The following OXR1 variants were observed in gnomAD, a reference collection of about 807,000 sequenced individuals.
OXR1 encodes oxidation resistance protein 1.
In OXR1, 41 loss-of-function variants were observed where a neutral mutation model predicts 104.6. The ratio of observed to expected loss-of-function variants is 0.39; its 90% CI spans 0.31 to 0.51. OXR1 has a LOEUF of 0.51. Ranked by LOEUF, OXR1 falls within the 20% of genes least tolerant of loss-of-function variation. The pLI is 0.77. For missense variants in OXR1, 955 were observed against 1,031.9 expected, an observed-to-expected ratio of 0.93 and a Z score of 1.02; for synonymous variants, 348 against 348.4, an observed-to-expected ratio of 1.00 and a Z score of 0.01.
At chr8:106,535,278 C>T (rs1215275480) in intron 3 of OXR1, among the ~76,000 whole-genome samples, 1 of 152,078 alleles carries the variant, frequency 6.6e-6, no homozygotes, top group Non-Finnish European at 1.5e-5. Context: ...GTCTCCAAGG[C>T]GATGCAATGA....
At chr8:106,349,186 A>G (rs1815620902) in intron 1 of OXR1, among the ~76,000 whole-genome samples, 5 of 152,144 alleles carry the variant, frequency 3.3e-5, no homozygotes, top group Admixed American at 3.3e-4. Context: ...TTTTTTGATT[A>G]TTAGGTTTTT....
intron 9 of OXR1, among the ~76,000 whole-genome samples, chr8:106,709,551 A>G (rs1311367114): frequency 6.6e-6 from 1 of 150,554 alleles, no homozygotes; most frequent in East Asian, 2.0e-4. Context: ...AGATAAAATA[A>G]TCTGTTTAAG....
intron 2 of OXR1, chr8:106,447,976 C>A: frequency 6.5e-7 from 1 of 1,534,872 alleles, no homozygotes; most frequent in Non-Finnish European, 8.7e-7. Flanking sequence ...ATCAGATCCG[C>A]CCCGGCTCCC....
At chr8:106,562,900 C>G (rs1350285245) in intron 3 of OXR1, among the ~76,000 whole-genome samples, 1 of 152,124 alleles carries the variant, frequency 6.6e-6, no homozygotes. Flanking sequence ...AAATAAAATC[C>G]TTTACAGACA....
chr8:106,511,560 C>T (rs1329138540), intron 2 of OXR1, among the ~76,000 whole-genome samples: 1 of 151,784 alleles, frequency 6.6e-6, no homozygotes, highest in South Asian at 2.1e-4. Context: ...CTCTCATACA[C>T]ACACACACAC....
At chr8:106,355,728 A>T (rs932884226) in intron 1 of OXR1, among the ~76,000 whole-genome samples, 2 of 151,866 alleles carry the variant, frequency 1.3e-5, no homozygotes, top group African/African-American at 4.8e-5. Context: ...TTTTGGTGTC[A>T]TCAGAAAAAA....
intron 2 of OXR1, among the ~76,000 whole-genome samples, chr8:106,423,804 C>A (rs1414814893): frequency 6.6e-6 from 1 of 152,198 alleles, no homozygotes; most frequent in Non-Finnish European, 1.5e-5. Flanking sequence ...CCTTCAGGAG[C>A]CTCTGCTGAG....
chr8:106,521,632 C>T (rs1237859936), intron 3 of OXR1, among the ~76,000 whole-genome samples: 1 of 152,164 alleles, frequency 6.6e-6, no homozygotes, highest in Non-Finnish European at 1.5e-5. Flanking sequence ...CCTGCCTCAG[C>T]CTCCCGAGTA....
chr8:106,532,802 A>G (rs1311563473), intron 3 of OXR1, among the ~76,000 whole-genome samples: 1 of 152,192 alleles, frequency 6.6e-6, no homozygotes, highest in African/African-American at 2.4e-5. Flanking sequence ...AAATATCTCT[A>G]TGGGCCAGAA....
chr8:106,512,309 T>C (rs768383685), intron 2 of OXR1, among the ~76,000 whole-genome samples: 2 of 152,284 alleles, frequency 1.3e-5, no homozygotes, highest in Non-Finnish European at 2.9e-5. Flanking sequence ...GTGGGATATA[T>C]GGAAATGTGA....
At chr8:106,606,851 T>C (rs868682483) in intron 3 of OXR1, among the ~76,000 whole-genome samples, 1 of 152,072 alleles carries the variant, frequency 6.6e-6, no homozygotes, top group Non-Finnish European at 1.5e-5. Context: ...CTTGTTGGAG[T>C]ACCTGCTACT....
intron 1 of OXR1, among the ~76,000 whole-genome samples, chr8:106,335,082 C>A (rs891986791): frequency 6.6e-6 from 1 of 151,860 alleles, no homozygotes; most frequent in African/African-American, 2.4e-5. Flanking sequence ...CCATCCTTGT[C>A]CTAATCACTT....
At chr8:106,683,157 C>A in intron 4 of OXR1, 42 bp from the exon 5 acceptor site, 2 of 976,582 alleles carry the variant, frequency 2.0e-6, no homozygotes, top group Non-Finnish European at 3.2e-6. Flanking sequence ...TTTAGTTTTT[C>A]TGTTTTAAAC....
intron 6 of OXR1, among the ~76,000 whole-genome samples, chr8:106,692,394 C>T (rs1047254117): frequency 2.0e-5 from 3 of 151,810 alleles, no homozygotes; most frequent in East Asian, 1.9e-4. Context: ...TGTGTGTGCA[C>T]GTGTGTGTAT....
chr8:106,368,557 C>A (rs2130367559), intron 2 of OXR1, among the ~76,000 whole-genome samples: 1 of 152,104 alleles, frequency 6.6e-6, no homozygotes, highest in African/African-American at 2.4e-5. Flanking sequence ...CCTCAACCCC[C>A]ACCCCCCAAC....
At chr8:106,448,087 C>G in intron 2 of OXR1, 1 of 1,533,966 alleles carries the variant, frequency 6.5e-7, no homozygotes, top group Non-Finnish European at 8.7e-7. Flanking sequence ...TTGTTACTTC[C>G]TGTGTTATGA....
intron 11 of OXR1, among the ~76,000 whole-genome samples, chr8:106,728,725 G>A (rs1833586320): frequency 6.6e-6 from 1 of 152,042 alleles, no homozygotes; most frequent in Non-Finnish European, 1.5e-5. Context: ...ATATATTCAT[G>A]TGCCATACTC....
chr8:106,460,084 C>A (rs1820820462), intron 2 of OXR1, among the ~76,000 whole-genome samples: 1 of 152,142 alleles, frequency 6.6e-6, no homozygotes, highest in Non-Finnish European at 1.5e-5. Flanking sequence ...ACAAGAGATG[C>A]AATAGTTGAC....
Position 106,692,820 on chromosome 8 carries a change from G to A in OXR1, c.618G>A (p.Glu206=), listed in dbSNP as rs148616522. The part of the protein sequence containing the change: ...ARVVSSTSEE[E]EAFTEKFLKI... ...TTGTATCTTCAACTTCTGAGGAGGA[G>A]GAAGCATTTACTGAGAAATTTCTTA... The change falls in exon 7 of 17, where the codon GAG becomes GAA. Residue 206 remains glutamate, a synonymous_variant. Transcript: ENST00000517566. 8,549 of 1,605,276 alleles carry A rather than the reference G, an allele frequency of 5.3e-3. 37 individuals carry two copies. The highest frequency in any genetic ancestry group is 0.015 in the Middle Eastern group (89 of 6,028).
Sources: gnomAD v4.1 joint callset for allele counts (sites outside exome capture counted in the v4.1 genomes callset) on GRCh38, gnomAD v4.1.1 for gene constraint, MANE v1.5 for transcripts, NCBI Gene and HGNC (gene_info 2026-07-23, HGNC 2026-07-21) for gene names.